PCLO: variants seen among roughly 807,000 people sequenced by gnomAD.
PCLO encodes the protein protein piccolo.
Under a neutral mutation model 427.5 loss-of-function variants are expected in PCLO, and 82 were observed. That is an observed-to-expected ratio of 0.19 (90% CI 0.16 to 0.23). The LOEUF is 0.23. Ranked by LOEUF, PCLO falls within the 10% of genes least tolerant of loss-of-function variation. The pLI, the probability that PCLO is intolerant of heterozygous loss-of-function variation, is 1.00. For synonymous variants in PCLO, 2,357 were observed against 2,155.4 expected, an observed-to-expected ratio of 1.09 and a Z score of -2.59; for missense variants, 6,239 against 6,115.9, an observed-to-expected ratio of 1.02 and a Z score of -0.67.
chr7:83,092,395 G>A (rs1790400445), intron 3 of PCLO, among the ~76,000 whole-genome samples: 2 of 48,412 alleles, frequency 4.1e-5, no homozygotes, highest in African/African-American at 7.6e-5. Context: ...CATGGACCCG[G>A]CACAAATATA....
In PCLO at chr7:82,953,968, C is replaced by G. The variant is rs370403349; in HGVS notation, c.6985G>C (p.Glu2329Gln). Residue 2329 changes from glutamate to glutamine, a missense_variant, in exon 5 of 25, where the codon GAA becomes CAA. Coordinates refer to ENST00000333891, the MANE Select transcript of PCLO (RefSeq NM_033026.6). ...TCGGATAAGCTACTTTTTGTTCGTT[C>G]GGCCTCCAACTCCTTTTTATCTCTG... ...AYRDKKELEA[E>Q]RTKSSLSETV... 4.0e-5 allele frequency: 65 copies of G among 1,613,720 alleles called. No homozygotes were observed. The highest frequency in any genetic ancestry group is 8.3e-5 in the Admixed American group (5 of 59,976).
rs563838391 is a variant in PCLO at position 83,121,136 on chromosome 7, CA to C, written c.3300+13113del. On this transcript the variant is annotated intron_variant, in intron 3 of 24. Transcript: ENST00000333891. ...TCTCTACTAAAAATACAAAAACAAA[CA>C]AACAAACAAACAAACAAAAAACTTT... Among the ~76,000 whole-genome samples the C allele has an allele frequency of 3.1e-3, 379 of 122,900 alleles. 2 individuals are homozygous for C. Among genetic ancestry groups the C allele is most frequent in the African/African-American group, 0.012 (348 of 28,036 alleles). 80.6% of individuals were successfully genotyped at this position (122,900 alleles called of 152,430 possible). A position where few individuals can be genotyped will look rare whatever the true frequency, so the allele number is the denominator to read the frequency against.
intron 21 of PCLO, among the ~76,000 whole-genome samples, chr7:82,803,299 A>C (rs535442697): frequency 6.6e-6 from 1 of 152,252 alleles, no homozygotes; most frequent in Admixed American, 6.5e-5. Context: ...TCTTTTTAGT[A>C]TTGGTAATCT....
intron 3 of PCLO, among the ~76,000 whole-genome samples, chr7:83,077,152 T>C (rs1789976300): frequency 6.6e-6 from 1 of 152,140 alleles, no homozygotes; most frequent in African/African-American, 2.4e-5. Context: ...TCATAGAAGC[T>C]AACATATAGA....
intron 22 of PCLO, among the ~76,000 whole-genome samples, chr7:82,779,781 G>C (rs1790833118): frequency 8.1e-6 from 1 of 123,048 alleles, no homozygotes. Flanking sequence ...TTGCTCTGTT[G>C]CCCAGGTGGA....
intron 9 of PCLO, 128 bp downstream of exon 9, chr7:82,902,523 A>G (rs1226830336): frequency 1.7e-6 from 1 of 589,038 alleles, no homozygotes; most frequent in African/African-American, 1.9e-5. Context: ...ACATGTATAC[A>G]TATGTAACTA....
chr7:83,060,812 AATG>A (rs1392896905), intron 3 of PCLO, among the ~76,000 whole-genome samples: 2 of 152,282 alleles, frequency 1.3e-5, no homozygotes, highest in East Asian at 1.9e-4. Flanking sequence ...CCAGCTCCAC[AATG>A]ATGATATTAT....
chr7:83,082,319 TAAAAG>T (rs1790122771), intron 3 of PCLO, among the ~76,000 whole-genome samples: 1 of 151,710 alleles, frequency 6.6e-6, no homozygotes, highest in Admixed American at 6.6e-5. Flanking sequence ...TGCTTTATAT[TAAAAG>T]AAAAGCTAAA....
rs1583939614 is a variant in PCLO at position 82,756,887 on chromosome 7, T to A, written c.*1688A>T. 1 of 152,066 alleles carries A rather than the reference T, an allele frequency of 6.6e-6. No homozygotes were observed. Among genetic ancestry groups the A allele is most frequent in the African/African-American group, 2.4e-5 (1 of 41,438 alleles). 9.4% of individuals were successfully genotyped at this position (152,066 alleles called of 1,614,324 possible). On this transcript the variant is annotated 3_prime_UTR_variant, in exon 25 of 25. Coordinates refer to ENST00000333891, the MANE Select transcript of PCLO (RefSeq NM_033026.6). Reference sequence around the variant, plus strand: ...GTTTATATTTTAAATAAAAAATAAGTTTTGTGGCTAATTTACTGCTTTTAT... The same window carrying A: ...GTTTATATTTTAAATAAAAAATAAGATTTGTGGCTAATTTACTGCTTTTAT...
At position 83,133,022 on chromosome 7, in the gene PCLO, CTTAG is replaced by C. The variant is rs143731925; in HGVS notation, c.3300+1224_3300+1227del. The stretch of plus-strand genomic sequence containing the variant: ...AAATTTATGTCCCTTTAAGATGACT[CTTAG>C]TTAAAATTATTCATCACAGCTAAAG... On this transcript the variant is annotated intron_variant, in intron 3 of 24. Transcript: ENST00000333891. Among the ~76,000 whole-genome samples, 257 of 151,906 alleles carry C rather than the reference CTTAG, an allele frequency of 1.7e-3. 2 individuals are homozygous for C. Among genetic ancestry groups the C allele is most frequent in the African/African-American group, 6.0e-3 (250 of 41,490 alleles).
intron 3 of PCLO, among the ~76,000 whole-genome samples, chr7:83,018,183 G>C (rs1426264325): frequency 6.6e-6 from 1 of 151,832 alleles, no homozygotes; most frequent in African/African-American, 2.4e-5. Flanking sequence ...GTCACACATT[G>C]ACATAAAATT....
intron 10 of PCLO, among the ~76,000 whole-genome samples, chr7:82,871,223 T>A (rs1438106037): frequency 6.6e-6 from 1 of 151,894 alleles, no homozygotes; most frequent in Non-Finnish European, 1.5e-5. Flanking sequence ...CATTAAGAGA[T>A]GAATGAGTAA....
chr7:82,797,847 T>C (rs147688725), intron 22 of PCLO, among the ~76,000 whole-genome samples: 1 of 152,254 alleles, frequency 6.6e-6, no homozygotes, highest in East Asian at 1.9e-4. Context: ...AAACAACTTC[T>C]GTGAATAAGG....
chr7:82,995,851 A>C (rs555280532), intron 3 of PCLO, among the ~76,000 whole-genome samples: 1 of 151,976 alleles, frequency 6.6e-6, no homozygotes, highest in Non-Finnish European at 1.5e-5. Context: ...TAAACATTAC[A>C]TGAGGGTTTC....
Position 82,956,083 on chromosome 7 carries a change from C to T in PCLO, c.4870G>A (p.Gly1624Arg). The change falls in exon 5 of 25, where the codon GGA (glycine) becomes AGA (arginine). Residue 1624 changes from glycine (G) to arginine (R), a missense_variant. By Grantham distance (125) the Gly-to-Arg change is moderately radical. Transcript: ENST00000333891. ...KSSTSIDEDA[G>R]RRHSWHDEDD... is the part of the protein sequence containing the mutation. ...TCATCATGCCATGAGTGACGTCTTC[C>T]TGCATCTTCATCAATGCTTGTGCTA... 6.2e-7 allele frequency: 1 copy of T among 1,611,740 alleles called. No homozygotes were observed. Among genetic ancestry groups the T allele is most frequent in the Non-Finnish European group, 8.5e-7 (1 of 1,179,858 alleles).
intron 3 of PCLO, among the ~76,000 whole-genome samples, chr7:83,099,654 G>A (rs1790687054): frequency 6.6e-6 from 1 of 152,116 alleles, no homozygotes; most frequent in African/African-American, 2.4e-5. Flanking sequence ...GCCTCCTGAA[G>A]TGCAGGGATT....
chr7:82,894,794 C>T lies in PCLO; in HGVS notation c.13528+7857G>A, dbSNP rs1167961152. Among the ~76,000 whole-genome samples, 6 of 152,044 alleles carry T rather than the reference C, an allele frequency of 3.9e-5. No homozygotes were observed. In the East Asian group the frequency reaches 7.8e-4, roughly 20 times the overall value. ...GGGGATGAAACAAGTGGCAGACTTG[C>T]AATTTATTTGGGGATTAAACTGGGA... On this transcript the variant is annotated intron_variant, in intron 9 of 24. Transcript: ENST00000333891.
chr7:82,766,429 A>G (rs950872807), intron 22 of PCLO, among the ~76,000 whole-genome samples: 5 of 152,194 alleles, frequency 3.3e-5, no homozygotes, highest in African/African-American at 9.6e-5. Flanking sequence ...TGGCAAATCT[A>G]TCTATCAGGC....
At position 82,932,220 on chromosome 7, in the gene PCLO, T is replaced by C. The variant is rs78872945; in HGVS notation, c.11113-15347A>G. On this transcript the variant is annotated intron_variant, in intron 6 of 24. Coordinates refer to ENST00000333891, the MANE Select transcript of PCLO (RefSeq NM_033026.6). ...TTGAACTTTTAGTTAATATTTCCACTTGTGGGTCTTCTAATTTACATCCTG... is the reference window on the plus strand; with the variant it reads ...TTGAACTTTTAGTTAATATTTCCACCTGTGGGTCTTCTAATTTACATCCTG... Among the ~76,000 whole-genome samples the C allele has an allele frequency of 6.4e-3, 973 of 152,220 alleles. 15 individuals carry two copies. The highest frequency in any genetic ancestry group is 0.022 in the African/African-American group (911 of 41,558).
Sources: allele counts gnomAD v4.1 joint callset (sites outside exome capture counted in the v4.1 genomes callset), GRCh38; gene constraint gnomAD v4.1.1; transcripts MANE v1.5; gene names NCBI Gene and HGNC (gene_info 2026-07-23, HGNC 2026-07-21).